CAMTA1: variants seen among roughly 807,000 people sequenced by gnomAD.
CAMTA1 encodes calmodulin-binding transcription activator 1.
Under a neutral mutation model 170.9 loss-of-function variants are expected in CAMTA1, and 27 were observed. That is an observed-to-expected ratio of 0.16 (90% CI 0.12 to 0.22). The LOEUF (loss-of-function observed/expected upper bound fraction) is 0.22, where lower values mean the gene tolerates loss of function less well. CAMTA1 is among the 10% of genes least tolerant of loss of function. The probability of loss-of-function intolerance (pLI) is 1.00; values close to 1 mark genes in which losing one functional copy is unlikely to be tolerated. For synonymous variants in CAMTA1, 833 were observed against 891.5 expected, an observed-to-expected ratio of 0.93 and a Z score of 1.17; for missense variants, 1,619 against 2,217.2, an observed-to-expected ratio of 0.73 and a Z score of 5.42.
At chr1:7,421,957 G>A (rs1000538762) in intron 5 of CAMTA1, among the ~76,000 whole-genome samples, 1 of 152,042 alleles carries the variant, frequency 6.6e-6, no homozygotes, top group South Asian at 2.1e-4. Flanking sequence ...GTGCCCTCTC[G>A]GTGCGCCGTG....
chr1:7,064,721 A>G lies in CAMTA1; in HGVS notation c.235-26583A>G, dbSNP rs1708740225. 6.7e-6 allele frequency among the ~76,000 whole-genome samples: 1 copy of G among 148,494 alleles called. No individual in the cohort carries two copies. Among genetic ancestry groups the G allele is most frequent in the African/African-American group, 2.5e-5 (1 of 39,778 alleles). On this transcript the variant is annotated intron_variant, in intron 3 of 22. Coordinates refer to ENST00000303635, the MANE Select transcript of CAMTA1 (RefSeq NM_015215.4). The surrounding 1 kb of genome is among the most constrained non-coding windows in gnomAD (Gnocchi z 5.4). ...GTGGGGGCTGGAGTCCAGAGATTGC[A>G]GAGCATGCTGGTACTGGAGGGTGGG...
chr1:7,476,067 C>T (rs749711922), intron 6 of CAMTA1, among the ~76,000 whole-genome samples: 1 of 152,212 alleles, frequency 6.6e-6, no homozygotes, highest in African/African-American at 2.4e-5. Context: ...CTGCCCTGGC[C>T]CTTGGCGTCC....
In CAMTA1 at chr1:7,685,630, C is replaced by T. The variant is rs114738314; in HGVS notation, c.2914+7897C>T. On this transcript the variant is annotated intron_variant, in intron 11 of 22. Coordinates refer to ENST00000303635, the MANE Select transcript of CAMTA1 (RefSeq NM_015215.4). This position sits in a 1 kb window ranked among gnomAD's most constrained non-coding sequence, Gnocchi z 5.7. ...AAATTCTCTGTCATGTCCCCATGGC[C>T]GGCTCTCTCCTGACTACTCTCTTCT... 7.4e-3 allele frequency among the ~76,000 whole-genome samples: 1,122 copies of T among 152,252 alleles called. 15 individuals carry two copies. Among genetic ancestry groups the T allele is most frequent in the African/African-American group, 0.025 (1,052 of 41,546 alleles).
At position 7,587,085 on chromosome 1, in the gene CAMTA1, A is replaced by G. The variant is rs527930038; in HGVS notation, c.511-53315A>G. On this transcript the variant is annotated intron_variant, in intron 6 of 22. Coordinates refer to ENST00000303635, the MANE Select transcript of CAMTA1 (RefSeq NM_015215.4). ...GGTTTCAATGCCTAGAATTGTTCCTATTCCCCAGTCATTCTATCTGTCTGT... is the reference window on the plus strand; with the variant it reads ...GGTTTCAATGCCTAGAATTGTTCCTGTTCCCCAGTCATTCTATCTGTCTGT... 1.6e-4 allele frequency among the ~76,000 whole-genome samples: 24 copies of G among 151,062 alleles called. No individual in the cohort carries two copies. In the South Asian group the frequency reaches 3.6e-3, roughly 22 times the overall value.
chr1:7,495,863 AC>A (rs1273892445), intron 6 of CAMTA1, among the ~76,000 whole-genome samples: 2 of 152,118 alleles, frequency 1.3e-5, no homozygotes, highest in Non-Finnish European at 2.9e-5. Context: ...TCCAGGCTAA[AC>A]CCGCCCAGGA....
At chr1:7,457,037 ACCCGC>A (rs112351912) in intron 5 of CAMTA1, among the ~76,000 whole-genome samples, 7 of 47,964 alleles carry the variant, frequency 1.5e-4, no homozygotes, top group Admixed American at 2.1e-4. Flanking sequence ...ATTTCCCCTC[ACCCGC>A]CCCGCCCCCT....
chr1:7,221,793 A>C (rs1363837430), intron 4 of CAMTA1, among the ~76,000 whole-genome samples: 3 of 152,160 alleles, frequency 2.0e-5, no homozygotes, highest in African/African-American at 7.2e-5. Flanking sequence ...GGGAAGATTA[A>C]ATAAGATAAA....
intron 4 of CAMTA1, among the ~76,000 whole-genome samples, chr1:7,226,742 TAG>T (rs1373052277): frequency 6.6e-6 from 1 of 152,052 alleles, no homozygotes; most frequent in African/African-American, 2.4e-5. Flanking sequence ...TGTTAACAAA[TAG>T]AGATATGCAC....
At chr1:7,595,920 C>G (rs1007516581) in intron 6 of CAMTA1, among the ~76,000 whole-genome samples, 1 of 152,180 alleles carries the variant, frequency 6.6e-6, no homozygotes, top group African/African-American at 2.4e-5. Flanking sequence ...TCCCAAGGAA[C>G]GTGCAGCCTC....
intron 8 of CAMTA1, among the ~76,000 whole-genome samples, chr1:7,662,314 G>A (rs1214160059): frequency 3.9e-5 from 6 of 152,332 alleles, no homozygotes; most frequent in Admixed American, 2.0e-4. Flanking sequence ...AACATGAAGC[G>A]TCCCGCGCTC....
At chr1:7,695,350 C>G (rs1379202599) in intron 11 of CAMTA1, among the ~76,000 whole-genome samples, 1 of 152,188 alleles carries the variant, frequency 6.6e-6, no homozygotes, top group African/African-American at 2.4e-5. Flanking sequence ...TCCAAGGCCC[C>G]CAATTGCACT....
intron 1 of CAMTA1, among the ~76,000 whole-genome samples, chr1:6,788,105 A>G: frequency 6.6e-6 from 1 of 152,270 alleles, no homozygotes; most frequent in South Asian, 2.1e-4. Flanking sequence ...TCTCTTGGAC[A>G]GGGGAATGAT....
intron 7 of CAMTA1, among the ~76,000 whole-genome samples, chr1:7,654,509 CAT>C (rs778243727): frequency 3.3e-4 from 50 of 150,522 alleles, no homozygotes; most frequent in South Asian, 8.4e-4. Context: ...CCTATACACA[CAT>C]ACACTCCTAT....
intron 5 of CAMTA1, among the ~76,000 whole-genome samples, chr1:7,269,477 GA>G (rs1472902729): frequency 1.3e-5 from 2 of 152,156 alleles, no homozygotes; most frequent in Admixed American, 1.3e-4. Flanking sequence ...CCATGAGTTG[GA>G]AGCCAGTTAT....
intron 4 of CAMTA1, among the ~76,000 whole-genome samples, chr1:7,190,337 T>C (rs929090850): frequency 1.1e-4 from 17 of 152,172 alleles, no homozygotes; most frequent in African/African-American, 2.2e-4. Flanking sequence ...ACTACACATA[T>C]GAATAGATAT....
rs200269214 is a variant in CAMTA1 at position 7,143,737 on chromosome 1, TGGTCTA to T, written c.302+52367_302+52372del. On this transcript the variant is annotated intron_variant, in intron 4 of 22. Transcript: ENST00000303635. ...CCTAGTGATGGGATAAAAGTATTTATGGTCTACCTGAAAATGTTGACTTTTAGGGAT... is the reference window on the plus strand; with the variant it reads ...CCTAGTGATGGGATAAAAGTATTTATCCTGAAAATGTTGACTTTTAGGGAT... Among the ~76,000 whole-genome samples, 753 of 152,360 alleles carry T rather than the reference TGGTCTA, an allele frequency of 4.9e-3. 23 individuals are homozygous for T. The highest frequency in any genetic ancestry group is 0.041 in the Admixed American group (627 of 15,302).
intron 3 of CAMTA1, among the ~76,000 whole-genome samples, chr1:6,860,824 A>G (rs1011694364): frequency 6.6e-6 from 1 of 152,020 alleles, no homozygotes; most frequent in Admixed American, 6.5e-5. Context: ...AGGTGGGAGA[A>G]CTGCTTGAAC....
intron 11 of CAMTA1, among the ~76,000 whole-genome samples, chr1:7,691,545 C>G (rs1157570887): frequency 1.3e-5 from 2 of 152,026 alleles, no homozygotes; most frequent in Non-Finnish European, 2.9e-5. Context: ...TCTGGGGGCA[C>G]AGGGACAGTG....
intron 12 of CAMTA1, among the ~76,000 whole-genome samples, chr1:7,734,737 C>CT (rs1350419079): frequency 6.6e-6 from 1 of 151,610 alleles, no homozygotes; most frequent in East Asian, 1.9e-4. Context: ...CATCATCTGC[C>CT]TTTTTTATTT....
Sources: gnomAD v4.1 joint callset for allele counts (sites outside exome capture counted in the v4.1 genomes callset) on GRCh38, gnomAD v4.1.1 for gene constraint, Gnocchi (gnomAD v3.1) non-coding constraint, MANE v1.5 for transcripts, NCBI Gene and HGNC (gene_info 2026-07-23, HGNC 2026-07-21) for gene names.